Variants in DUOX1 observed in about 807,000 individuals in gnomAD.
DUOX1 encodes the protein NADPH thyroid oxidase 1.
DUOX1 carries 134 observed loss-of-function variants against 181.8 expected under a neutral mutation model. The observed-to-expected ratio is 0.74, with a 90% CI of 0.64 to 0.85. The LOEUF (loss-of-function observed/expected upper bound fraction) is 0.85, where lower values mean the gene tolerates loss of function less well. Among genes scored for constraint, DUOX1 ranks in the 40% least tolerant of loss-of-function variants. DUOX1 has a pLI of 0.00. For missense variants in DUOX1, 1,814 were observed against 2,064.4 expected, an observed-to-expected ratio of 0.88 and a Z score of 2.35; for synonymous variants, 798 against 832.5, an observed-to-expected ratio of 0.96 and a Z score of 0.71.
intron 28 of DUOX1, among the ~76,000 whole-genome samples, chr15:45,156,968 A>G (rs922072271): frequency 7.2e-5 from 11 of 152,242 alleles, no homozygotes; most frequent in Admixed American, 7.2e-4. Flanking sequence ...TGAGGGCCTC[A>G]CTTAGAAGCT....
chr15:45,146,253 G>A (rs1378163008), intron 18 of DUOX1, among the ~76,000 whole-genome samples: 1 of 152,202 alleles, frequency 6.6e-6, no homozygotes, highest in Non-Finnish European at 1.5e-5. Flanking sequence ...TTGGGGAGAG[G>A]ATTCATGAGA....
intron 14 of DUOX1, 152 bp downstream of exon 14, chr15:45,141,562 G>A (rs1445398022): frequency 1.2e-6 from 1 of 851,024 alleles, no homozygotes; most frequent in Non-Finnish European, 1.9e-6. Flanking sequence ...CAGGTGCCAG[G>A]GCCACCACTT....
At chr15:45,138,074 G>GTGTA in intron 10 of DUOX1, 60 bp downstream of exon 10, 6 of 994,072 alleles carry the variant, frequency 6.0e-6, no homozygotes, top group Non-Finnish European at 7.3e-6. Flanking sequence ...ATGTGTGTGT[G>GTGTA]TGTATGTGTG....
At chr15:45,145,471 A>G (rs1896627489) in intron 18 of DUOX1, among the ~76,000 whole-genome samples, 1 of 152,180 alleles carries the variant, frequency 6.6e-6, no homozygotes, top group South Asian at 2.1e-4. Context: ...AGAGCCCTCC[A>G]TGGGGCATTG....
At chr15:45,144,503 T>C (rs1896597596) in intron 17 of DUOX1, among the ~76,000 whole-genome samples, 2 of 152,196 alleles carry the variant, frequency 1.3e-5, no homozygotes, top group South Asian at 4.1e-4. Flanking sequence ...GGACAACCTG[T>C]CAGGTCCCAG....
chr15:45,152,215 G>T, intron 24 of DUOX1, 71 bp from the exon 25 acceptor site: 1 of 1,501,618 alleles, frequency 6.7e-7, no homozygotes, highest in Non-Finnish European at 9.0e-7. Flanking sequence ...GCCGGCCAGG[G>T]CCTACCGCCC....
chr15:45,135,560 G>C lies in DUOX1; in HGVS notation c.582G>C (p.Arg194Ser). The change falls in exon 6 of 34, where the codon AGG becomes AGC. Residue 194 changes from arginine (R) to serine (S), a missense_variant. Arg to Ser is a moderately radical substitution (Grantham distance 110). This residue lies in a region of DUOX1 where 320 missense variants were observed against 313.1 expected (regional missense o/e 1.02). Transcript: ENST00000389037. ...GCGACGCGCTGCGGAGCTTCTCCAG[G>C]GGACAGCTGGCGTCGGGGCCCGACC... ...SWSDALRSFSRGQLASGPDPA... is the reference protein window; with the variant it reads ...SWSDALRSFSSGQLASGPDPA... 3.2e-6 allele frequency: 5 copies of C among 1,560,102 alleles called. No individual in the cohort carries two copies. Among genetic ancestry groups the C allele is most frequent in the Non-Finnish European group, 4.3e-6 (5 of 1,153,372 alleles).
At chr15:45,141,119 C>T (rs201195819) in intron 13 of DUOX1, 49 bp downstream of exon 13, 8 of 1,610,248 alleles carry the variant, frequency 5.0e-6, no homozygotes, top group Non-Finnish European at 6.8e-6. Flanking sequence ...GCCTGGGCCC[C>T]AGACCCTCTT....
At position 45,142,085 on chromosome 15, in the gene DUOX1, A is replaced by G; in HGVS notation, c.1795A>G (p.Ile599Val). 2 of 1,614,072 alleles carry G rather than the reference A, an allele frequency of 1.2e-6. No homozygotes were observed. The highest frequency in any genetic ancestry group is 1.3e-5 in the African/African-American group (1 of 75,058). ...CAGTGGATTTGGCTTCGGGGTCACC[A>G]TCGGGACCCTCTGTTGCTTCCCTTT... is the stretch of plus-strand genomic sequence containing the variant. ...EGSGFGFGVT[I>V]GTLCCFPLVS... Residue 599 changes from isoleucine to valine, a missense_variant, in exon 15 of 34, where the codon ATC becomes GTC. Coordinates refer to ENST00000389037, the MANE Select transcript of DUOX1 (RefSeq NM_175940.3).
At position 45,154,085 on chromosome 15, in the gene DUOX1, G is replaced by A. The variant is rs558683346; in HGVS notation, c.3574+85G>A. 14 of 1,261,080 alleles carry A rather than the reference G, an allele frequency of 1.1e-5. No individual in the cohort carries two copies. In the African/African-American group the frequency reaches 1.2e-4, roughly 10 times the overall value. The allele number at this position is 1,261,080 out of a possible 1,614,324, so 78.1% of individuals were successfully genotyped here. A position where few individuals can be genotyped will look rare whatever the true frequency, so the allele number is the denominator to read the frequency against. ...TTCTCTGCACCCCAGAGCAACCCAC[G>A]TTCACTCACTCAGCTCTTCCGGTGA... On this transcript the variant is annotated intron_variant, in intron 27 of 33. Transcript: ENST00000389037.
intron 18 of DUOX1, among the ~76,000 whole-genome samples, chr15:45,145,601 G>C (rs1348924688): frequency 6.6e-6 from 1 of 152,162 alleles, no homozygotes; most frequent in East Asian, 1.9e-4. Flanking sequence ...CAGGGTAGTG[G>C]AGTGGAGAAA....
intron 2 of DUOX1, 52 bp downstream of exon 2, chr15:45,132,076 C>A: frequency 6.7e-7 from 1 of 1,485,120 alleles, no homozygotes; most frequent in Non-Finnish European, 9.1e-7. Flanking sequence ...AACCCAGCAT[C>A]CTCTGGGCTC....
chr15:45,139,093 G>A lies in DUOX1; in HGVS notation c.1141G>A (p.Val381Met). Reference protein sequence around the residue: ...EHPSLQSAEDVDALLLGMASQ... With the variant: ...EHPSLQSAEDMDALLLGMASQ... ...CCCAAGCCTACAAAGTGCTGAAGAT[G>A]TGGATGCACTGCTGCTGGGCATGGC... Residue 381 changes from valine (V) to methionine (M), a missense_variant, in exon 11 of 34, where the codon GTG (valine) becomes ATG (methionine). This residue lies in a region of DUOX1 where 1,064 missense variants were observed against 1,152.9 expected (regional missense o/e 0.92). Coordinates refer to ENST00000389037, the MANE Select transcript of DUOX1 (RefSeq NM_175940.3). The A allele has an allele frequency of 5.6e-6, 9 of 1,614,162 alleles. No individual in the cohort carries two copies. The highest frequency in any genetic ancestry group is 7.6e-6 in the Non-Finnish European group (9 of 1,180,014).
At position 45,160,923 on chromosome 15, in the gene DUOX1, C is replaced by G. The variant is rs760674194; in HGVS notation, c.3789C>G (p.Asp1263Glu). The G allele has an allele frequency of 1.2e-6, 2 of 1,614,136 alleles. No individual in the cohort carries two copies. Among genetic ancestry groups the G allele is most frequent in the Non-Finnish European group, 1.7e-6 (2 of 1,180,010 alleles). ...FLVPAIIYGG[D>E]KLVSLSRKKV... The stretch of plus-strand genomic sequence containing the variant: ...TCCCAGCAATCATCTATGGGGGCGA[C>G]AAGCTGGTGAGCCTGAGCCGGAAGA... Residue 1263 changes from aspartate to glutamate, a missense_variant, in exon 29 of 34, where the codon GAC (aspartate) becomes GAG (glutamate). Physicochemically the swap from Asp to Glu is conservative, Grantham distance 45. Transcript: ENST00000389037.
intron 28 of DUOX1, among the ~76,000 whole-genome samples, chr15:45,160,142 ACT>A (rs1897061528): frequency 6.6e-6 from 1 of 151,982 alleles, no homozygotes; most frequent in African/African-American, 2.4e-5. Context: ...ACAGAATGAG[ACT>A]CTGTCCCCCC....
intron 9 of DUOX1, 97 bp downstream of exon 9, chr15:45,136,722 C>A: frequency 9.0e-7 from 1 of 1,116,596 alleles, no homozygotes; most frequent in South Asian, 1.3e-5. Context: ...GATTATCAGT[C>A]TGAAGTGTCC....
chr15:45,163,443 G>A (rs868723516), intron 31 of DUOX1, 89 bp from the exon 32 acceptor site: 26 of 1,560,836 alleles, frequency 1.7e-5, no homozygotes, highest in Non-Finnish European at 2.1e-5. Context: ...AGCTAGCTGT[G>A]GTCAGAAGAG....
At chr15:45,156,635 G>C (rs1384038101) in intron 28 of DUOX1, among the ~76,000 whole-genome samples, 2 of 152,268 alleles carry the variant, frequency 1.3e-5, no homozygotes, top group Admixed American at 1.3e-4. Context: ...GTTTCACCAT[G>C]TTGGCCAGGC....
At chr15:45,131,178 G>A (rs1293793892) in intron 1 of DUOX1, among the ~76,000 whole-genome samples, 1 of 152,144 alleles carries the variant, frequency 6.6e-6, no homozygotes, top group African/African-American at 2.4e-5. Flanking sequence ...GTCTTCGCCG[G>A]CTTTAGGTAC....
Sources: allele counts gnomAD v4.1 joint callset (sites outside exome capture counted in the v4.1 genomes callset), GRCh38; gene constraint gnomAD v4.1.1; regional missense constraint gnomAD v4.1.1; transcripts MANE v1.5; gene names NCBI Gene and HGNC (gene_info 2026-07-23, HGNC 2026-07-21).